EXOC4: variants seen among roughly 807,000 people sequenced by gnomAD.
The protein encoded by EXOC4 is exocyst complex component 4.
Under a neutral mutation model 107.2 loss-of-function variants are expected in EXOC4, and 71 were observed. The ratio of observed to expected loss-of-function variants is 0.66; its 90% CI spans 0.55 to 0.81. The LOEUF is 0.81. Among genes scored for constraint, EXOC4 ranks in the 30% least tolerant of loss-of-function variants. The pLI, the probability that EXOC4 is intolerant of heterozygous loss-of-function variation, is 0.00. For missense variants in EXOC4, 1,108 were observed against 1,189.6 expected (o/e 0.93, Z 1.01); for synonymous variants, 456 against 441.2 (o/e 1.03, Z -0.42).
chr7:133,378,849 A>G (rs1563042866), intron 7 of EXOC4, among the ~76,000 whole-genome samples: 1 of 152,120 alleles, frequency 6.6e-6, no homozygotes, highest in Admixed American at 6.5e-5. Flanking sequence ...CCCAAAAGCA[A>G]GATGATAGAC....
intron 9 of EXOC4, among the ~76,000 whole-genome samples, chr7:133,512,107 G>A (rs1220369940): frequency 6.6e-6 from 1 of 152,188 alleles, no homozygotes; most frequent in Non-Finnish European, 1.5e-5. Flanking sequence ...GTTAAGTTGT[G>A]ATAACTGCTG....
intron 13 of EXOC4, among the ~76,000 whole-genome samples, chr7:133,929,013 A>G (rs1358857666): frequency 7.5e-6 from 1 of 134,100 alleles, no homozygotes; most frequent in African/African-American, 2.9e-5. Context: ...GCTCACTGCA[A>G]CCTCCGCCTC....
intron 10 of EXOC4, among the ~76,000 whole-genome samples, chr7:133,754,999 A>G (rs572207262): frequency 6.6e-6 from 1 of 151,814 alleles, no homozygotes; most frequent in African/African-American, 2.4e-5. Context: ...AAATCTTGCC[A>G]GAAATGTTGA....
At chr7:133,314,118 A>G (rs1246606268) in intron 4 of EXOC4, among the ~76,000 whole-genome samples, 1 of 152,160 alleles carries the variant, frequency 6.6e-6, no homozygotes, top group East Asian at 1.9e-4. Flanking sequence ...TAATTAATCA[A>G]TCCCTTCTCA....
intron 10 of EXOC4, among the ~76,000 whole-genome samples, chr7:133,747,026 C>T (rs1354805629): frequency 6.6e-6 from 1 of 152,176 alleles, no homozygotes; most frequent in Non-Finnish European, 1.5e-5. Context: ...AGTACAACTA[C>T]ACCTGGGGAA....
chr7:133,626,472 G>A (rs1019739333), intron 9 of EXOC4, among the ~76,000 whole-genome samples: 10 of 152,162 alleles, frequency 6.6e-5, no homozygotes, highest in Admixed American at 1.3e-4. Context: ...AGAGGAAATC[G>A]TGACAAATGC....
intron 9 of EXOC4, among the ~76,000 whole-genome samples, chr7:133,528,073 A>G (rs1800113926): frequency 6.6e-6 from 1 of 152,206 alleles, no homozygotes; most frequent in South Asian, 2.1e-4. Context: ...TCTAATTGCC[A>G]CACTTTGATA....
At chr7:133,910,979 C>T (rs372980307) in intron 12 of EXOC4, among the ~76,000 whole-genome samples, 4 of 152,274 alleles carry the variant, frequency 2.6e-5, no homozygotes, top group African/African-American at 9.6e-5. Context: ...AGAGAGGAAG[C>T]GGTACACATC....
chr7:133,787,164 T>C lies in EXOC4; in HGVS notation c.1515-30161T>C, dbSNP rs547918216. On this transcript the variant is annotated intron_variant, in intron 10 of 17. Transcript: ENST00000253861. The stretch of plus-strand genomic sequence containing the variant: ...TTTCTTGTTTTTTCTTTTCTTTTTT[T>C]TTTCTTTTCTTTTTTTTTTTGAGTC... 5.8e-4 allele frequency among the ~76,000 whole-genome samples: 17 copies of C among 29,432 alleles called. No homozygotes were observed. In the Admixed American group the frequency reaches 8.5e-3, roughly 15 times the overall value. The allele number at this position is 29,432 out of a possible 152,430, so 19.3% of individuals were successfully genotyped here.
At chr7:133,951,071 G>A (rs1175687041) in intron 14 of EXOC4, among the ~76,000 whole-genome samples, 2 of 152,198 alleles carry the variant, frequency 1.3e-5, no homozygotes, top group Non-Finnish European at 2.9e-5. Context: ...ACAGATGGCT[G>A]CCACAAGCGC....
intron 14 of EXOC4, among the ~76,000 whole-genome samples, chr7:133,990,555 A>G (rs1455698035): frequency 6.6e-6 from 1 of 152,038 alleles, no homozygotes; most frequent in African/African-American, 2.4e-5. Context: ...GTCCCGGTTC[A>G]AGCAATTCTC....
At chr7:133,685,760 G>T (rs907386821) in intron 10 of EXOC4, among the ~76,000 whole-genome samples, 1 of 152,152 alleles carries the variant, frequency 6.6e-6, no homozygotes. Context: ...AATTTAAGGT[G>T]TACAAGTGCA....
chr7:133,427,081 A>G (rs1378338013), intron 7 of EXOC4, among the ~76,000 whole-genome samples: 4 of 152,120 alleles, frequency 2.6e-5, no homozygotes, highest in African/African-American at 9.7e-5. Context: ...TTTTTGAGGT[A>G]TATCAAAGGT....
chr7:134,059,792 C>T (rs950206120), intron 17 of EXOC4, among the ~76,000 whole-genome samples: 5 of 152,170 alleles, frequency 3.3e-5, no homozygotes, highest in Non-Finnish European at 5.9e-5. Context: ...ATATGCCAAA[C>T]TGTGGTTTAT....
intron 9 of EXOC4, among the ~76,000 whole-genome samples, chr7:133,584,536 GTCACTATTTT>G (rs1801351011): frequency 7.5e-6 from 1 of 134,188 alleles, no homozygotes; most frequent in Non-Finnish European, 1.6e-5. Flanking sequence ...TCCCACTTGT[GTCACTATTTT>G]TCAGGCCTTT....
chr7:133,871,296 C>G (rs1344392007), intron 11 of EXOC4, among the ~76,000 whole-genome samples: 2 of 151,348 alleles, frequency 1.3e-5, no homozygotes, highest in Non-Finnish European at 2.9e-5. Context: ...AGCCACACAA[C>G]CAAAAAAATC....
chr7:133,612,974 T>C (rs181911613), intron 9 of EXOC4, among the ~76,000 whole-genome samples: 111 of 152,270 alleles, frequency 7.3e-4, no homozygotes, highest in African/African-American at 2.4e-3. Context: ...GTTTGAACTG[T>C]GTAGGTCCAT....
In EXOC4 at chr7:133,254,612, A is replaced by G. The variant is rs1042597875; in HGVS notation, c.86+1425A>G. On this transcript the variant is annotated intron_variant, in intron 1 of 17. Coordinates refer to ENST00000253861, the MANE Select transcript of EXOC4 (RefSeq NM_021807.4). ...GTTGACAGTATGGCGTCTGGCACGT[A>G]TTACATATTGAATAATATTTGTTGA... 7.2e-5 allele frequency among the ~76,000 whole-genome samples: 11 copies of G among 152,208 alleles called. No individual in the cohort carries two copies. In the East Asian group the frequency reaches 1.5e-3, roughly 21 times the overall value.
intron 10 of EXOC4, among the ~76,000 whole-genome samples, chr7:133,773,218 A>C (rs929455094): frequency 6.6e-6 from 1 of 151,894 alleles, no homozygotes; most frequent in Non-Finnish European, 1.5e-5. Flanking sequence ...AGACATGCCC[A>C]CTCAAGCCAT....
Sources: allele counts gnomAD v4.1 joint callset (sites outside exome capture counted in the v4.1 genomes callset), GRCh38; gene constraint gnomAD v4.1.1; transcripts MANE v1.5; gene names NCBI Gene and HGNC (gene_info 2026-07-23, HGNC 2026-07-21).